The following GPLD1 variants were observed in gnomAD, a reference collection of about 807,000 sequenced individuals.
GPLD1 encodes phosphatidylinositol-glycan-specific phospholipase D.
Under a neutral mutation model 112.6 loss-of-function variants are expected in GPLD1, and 84 were observed. That is an observed-to-expected ratio of 0.75 (90% CI 0.63 to 0.89). The LOEUF (loss-of-function observed/expected upper bound fraction) is 0.89, where lower values mean the gene tolerates loss of function less well. GPLD1 is among the 40% of genes least tolerant of loss of function. The probability of loss-of-function intolerance (pLI) is 0.00; values close to 1 mark genes in which losing one functional copy is unlikely to be tolerated. For missense variants in GPLD1, 1,044 were observed against 1,051.5 expected, an observed-to-expected ratio of 0.99 and a Z score of 0.10; for synonymous variants, 386 against 403.8, an observed-to-expected ratio of 0.96 and a Z score of 0.53.
At chr6:24,490,576 A>T (rs1322227327), upstream of GPLD1, among the ~76,000 whole-genome samples, 2 of 151,778 alleles carry the variant, frequency 1.3e-5, no homozygotes, top group Non-Finnish European at 2.9e-5. Context: ...CATAGTGAAG[A>T]CCCCGTCTCT....
intron 13 of GPLD1, among the ~76,000 whole-genome samples, chr6:24,454,473 T>C (rs2041554335): frequency 7.3e-6 from 1 of 137,424 alleles, no homozygotes; most frequent in South Asian, 2.3e-4. Context: ...AGTATACTCA[T>C]GAAGCTTCTT....
chr6:24,432,357 G>C (rs79390733), intron 24 of GPLD1, among the ~76,000 whole-genome samples: 2 of 151,862 alleles, frequency 1.3e-5, no homozygotes, highest in Non-Finnish European at 2.9e-5. Flanking sequence ...CAGCACTTTG[G>C]AAGGCAGAGG....
At chr6:24,477,299 T>C (rs535327184) in intron 3 of GPLD1, among the ~76,000 whole-genome samples, 56 of 149,188 alleles carry the variant, frequency 3.8e-4, no homozygotes, top group African/African-American at 1.3e-3. Context: ...GCCCAGAGAC[T>C]TGAACTTACC....
chr6:24,480,352 G>C (rs138467372), intron 2 of GPLD1, among the ~76,000 whole-genome samples: 3,486 of 152,126 alleles, frequency 0.023, 133 homozygotes, highest in African/African-American at 0.074. Flanking sequence ...TTTTGAGATG[G>C]AGTTTTGCTC....
At chr6:24,443,411 G>A (rs890731566) in intron 20 of GPLD1, among the ~76,000 whole-genome samples, 5 of 151,966 alleles carry the variant, frequency 3.3e-5, no homozygotes, top group Admixed American at 6.5e-5. Flanking sequence ...CAAGAAACAC[G>A]GCACTTGGGG....
intron 12 of GPLD1, among the ~76,000 whole-genome samples, 183 bp downstream of exon 12, chr6:24,460,096 C>T (rs141748003): frequency 1.4e-4 from 22 of 152,254 alleles, no homozygotes; most frequent in Non-Finnish European, 2.8e-4. Context: ...CAAGGTCTTG[C>T]TATGTTGCCC....
chr6:24,446,434 C>T (rs1762912436), intron 18 of GPLD1, among the ~76,000 whole-genome samples: 1 of 152,224 alleles, frequency 6.6e-6, no homozygotes, highest in Non-Finnish European at 1.5e-5. Flanking sequence ...CGAGTTCGAG[C>T]CTGCAGTGAG....
Position 24,448,122 on chromosome 6 carries a change from T to C in GPLD1, c.1521+12A>G. The C allele has an allele frequency of 1.9e-6, 3 of 1,611,424 alleles. No individual in the cohort carries two copies. The highest frequency in any genetic ancestry group is 1.7e-6 in the Non-Finnish European group (2 of 1,178,786). On this transcript the variant is annotated intron_variant, in intron 16 of 24. Coordinates refer to ENST00000230036, the MANE Select transcript of GPLD1 (RefSeq NM_001503.4). ...TCTAGGTTTCTGCACCTGGCTAAAG[T>C]GGTAAACATACCTGGCAAGAAATGG...
At chr6:24,443,416 T>C (rs1762811457) in intron 20 of GPLD1, among the ~76,000 whole-genome samples, 2 of 152,294 alleles carry the variant, frequency 1.3e-5, no homozygotes, top group South Asian at 2.1e-4. Context: ...AACACGGCAC[T>C]TGGGGCGTGA....
intron 14 of GPLD1, among the ~76,000 whole-genome samples, chr6:24,452,911 C>A (rs1471425034): frequency 6.6e-6 from 1 of 152,154 alleles, no homozygotes; most frequent in Non-Finnish European, 1.5e-5. Flanking sequence ...GGGTTCTCCC[C>A]CTAGCACTTG....
chr6:24,466,645 G>A, intron 10 of GPLD1, 35 bp downstream of exon 10: 2 of 1,574,502 alleles, frequency 1.3e-6, no homozygotes, highest in African/African-American at 1.3e-5. Context: ...AAAAGGCAGA[G>A]AGTGATTGGT....
chr6:24,479,558 A>C (rs1764133779), intron 3 of GPLD1, among the ~76,000 whole-genome samples: 2 of 152,180 alleles, frequency 1.3e-5, no homozygotes, highest in South Asian at 4.1e-4. Context: ...ATCACATGCT[A>C]ATATAGAAGG....
chr6:24,451,102 C>T (rs1242196742), intron 14 of GPLD1, among the ~76,000 whole-genome samples: 3 of 152,366 alleles, frequency 2.0e-5, no homozygotes, highest in Middle Eastern at 3.4e-3. Flanking sequence ...AGCTACGGAA[C>T]ATTCCTATCA....
At chr6:24,443,651 T>G (rs1762821271) in intron 20 of GPLD1, among the ~76,000 whole-genome samples, 1 of 152,108 alleles carries the variant, frequency 6.6e-6, no homozygotes, top group South Asian at 2.1e-4. Context: ...TAGCCATTCC[T>G]TTGCCTAATC....
intron 13 of GPLD1, among the ~76,000 whole-genome samples, chr6:24,454,615 C>T (rs1763206746): frequency 6.6e-6 from 1 of 152,162 alleles, no homozygotes; most frequent in Non-Finnish European, 1.5e-5. Flanking sequence ...TGATCAAAGA[C>T]GAGCTTGTGT....
chr6:24,494,542 C>A (rs2127378289), upstream of GPLD1, among the ~76,000 whole-genome samples: 1 of 152,292 alleles, frequency 6.6e-6, no homozygotes, highest in South Asian at 2.1e-4. Context: ...GCATTTAGGG[C>A]AGGCACCAGC....
At position 24,446,973 on chromosome 6, in the gene GPLD1, AG is replaced by A. The variant is rs1762930330; in HGVS notation, c.1684del (p.Leu562Ter). The A allele has an allele frequency of 6.2e-7, 1 of 1,613,214 alleles. No individual in the cohort carries two copies. Among genetic ancestry groups the A allele is most frequent in the Non-Finnish European group, 8.5e-7 (1 of 1,179,650 alleles). Reference protein sequence around the residue: ...SGPSLSDKEKLNVEAANWTVR... With the variant: ...SGPSLSDKEKXNVEAANWTVR... The stretch of plus-strand genomic sequence containing the variant: ...CGTCCAGTTGGCTGCCTCCACGTTC[AG>A]TTTTTCTAAAGAAGACAACTCATCC... On this transcript the variant is annotated frameshift_variant, in exon 18 of 25. Coordinates refer to ENST00000230036, the MANE Select transcript of GPLD1 (RefSeq NM_001503.4). LOFTEE classifies it high-confidence loss of function.
At position 24,445,808 on chromosome 6, in the gene GPLD1, C is replaced by T. The variant is rs566324510; in HGVS notation, c.1844G>A (p.Arg615Gln). The change falls in exon 19 of 25, where the codon CGA (arginine) becomes CAA (glutamine). Residue 615 changes from arginine (R) to glutamine (Q), a missense_variant. Transcript: ENST00000230036. ...ASRLGHLLHI[R>Q]DEKKSLGRVY... ...CCTCCCAAGGCTCTTTTTCTCATCTCGGATGTGTAACAAATGGCCCAGCCT... is the reference window on the plus strand; with the variant it reads ...CCTCCCAAGGCTCTTTTTCTCATCTTGGATGTGTAACAAATGGCCCAGCCT... 8.7e-6 allele frequency: 14 copies of T among 1,613,340 alleles called. No homozygotes were observed. The highest frequency in any genetic ancestry group is 1.2e-5 in the Non-Finnish European group (14 of 1,179,522).
Position 24,466,724 on chromosome 6 carries a change from A to C in GPLD1, c.777T>G (p.Thr259=). 1 of 1,612,166 alleles carries C rather than the reference A, an allele frequency of 6.2e-7. No homozygotes were observed. Among genetic ancestry groups the C allele is most frequent in the Non-Finnish European group, 8.5e-7 (1 of 1,178,172 alleles). ...TGAAGCTTGTTAGATGGTAAATATTAGTGGACCAAAATGCCATATCATCCA... is the reference window on the plus strand; with the variant it reads ...TGAAGCTTGTTAGATGGTAAATATTCGTGGACCAAAATGCCATATCATCCA... ...GGLDDMAFWS[T]NIYHLTSFML... The change falls in exon 10 of 25, where the codon ACT becomes ACG. Residue 259 remains threonine (T), a synonymous_variant. Transcript: ENST00000230036.
Sources: allele counts gnomAD v4.1 joint callset (sites outside exome capture counted in the v4.1 genomes callset), GRCh38; gene constraint gnomAD v4.1.1; transcripts MANE v1.5; gene names NCBI Gene and HGNC (gene_info 2026-07-23, HGNC 2026-07-21).